The following KSR2 variants were observed in gnomAD, a reference collection of about 807,000 sequenced individuals.
KSR2 encodes kinase suppressor of ras 2.
KSR2 carries 25 observed loss-of-function variants against 107.8 expected under a neutral mutation model. That is an observed-to-expected ratio of 0.23 (90% CI 0.17 to 0.32). The LOEUF (loss-of-function observed/expected upper bound fraction) is 0.32, where lower values mean the gene tolerates loss of function less well. KSR2 is among the 10% of genes least tolerant of loss of function. KSR2 has a pLI of 1.00. For synonymous variants in KSR2, 480 were observed against 507.0 expected (o/e 0.95, Z 0.71); for missense variants, 887 against 1,268.9 (o/e 0.70, Z 4.57).
chr12:117,539,647 T>G (rs1876325541), intron 10 of KSR2, 72 bp downstream of exon 10: 14 of 1,418,930 alleles, frequency 9.9e-6, no homozygotes, highest in Non-Finnish European at 1.2e-5. Flanking sequence ...GGCTCTGGCA[T>G]GAACCCACCC....
At chr12:117,755,379 T>C (rs1888752884) in intron 4 of KSR2, among the ~76,000 whole-genome samples, 1 of 152,234 alleles carries the variant, frequency 6.6e-6, no homozygotes, top group Non-Finnish European at 1.5e-5. Flanking sequence ...CATGCCTCTG[T>C]GTCACATTTT....
chr12:117,478,290 A>G (rs554170738), intron 16 of KSR2, among the ~76,000 whole-genome samples: 1 of 152,298 alleles, frequency 6.6e-6, no homozygotes, highest in Non-Finnish European at 1.5e-5. Context: ...TACCTTCAAG[A>G]GCAGCATTAT....
At chr12:117,678,965 C>A (rs1292129049) in intron 4 of KSR2, among the ~76,000 whole-genome samples, 1 of 152,150 alleles carries the variant, frequency 6.6e-6, no homozygotes. Context: ...TGGGGCATGG[C>A]ATCAGTGGGA....
chr12:117,895,876 T>C (rs967825267), intron 1 of KSR2, among the ~76,000 whole-genome samples: 2 of 152,210 alleles, frequency 1.3e-5, no homozygotes, highest in African/African-American at 4.8e-5. Flanking sequence ...CTGGCCAACA[T>C]GGTGAAACCT....
chr12:117,546,797 G>C (rs1446099822), intron 9 of KSR2, among the ~76,000 whole-genome samples: 1 of 152,094 alleles, frequency 6.6e-6, no homozygotes, highest in African/African-American at 2.4e-5. Context: ...TTTTCTAATT[G>C]TATGTTCTAA....
At chr12:117,628,975 G>A (rs1882674261) in intron 5 of KSR2, among the ~76,000 whole-genome samples, 1 of 152,234 alleles carries the variant, frequency 6.6e-6, no homozygotes. Context: ...CGCTAGCAGT[G>A]AGCAAGGCTC....
At chr12:117,594,911 G>T (rs1880543365) in intron 5 of KSR2, among the ~76,000 whole-genome samples, 1 of 152,206 alleles carries the variant, frequency 6.6e-6, no homozygotes, top group Non-Finnish European at 1.5e-5. Context: ...GAACAGAACA[G>T]CTTCCTCCAA....
chr12:117,836,544 T>C (rs921063), intron 3 of KSR2, among the ~76,000 whole-genome samples: 100,824 of 152,064 alleles, frequency 0.66, 34,267 homozygotes, highest in Admixed American at 0.77. Context: ...CTCGCTATCA[T>C]GATGCCTGTT....
At chr12:117,809,543 T>C (rs570836206) in intron 3 of KSR2, among the ~76,000 whole-genome samples, 1 of 152,354 alleles carries the variant, frequency 6.6e-6, no homozygotes, top group East Asian at 1.9e-4. Context: ...GAAAGTATTT[T>C]CCTGGCCACT....
chr12:117,892,809 A>AAAATC (rs1429054277), intron 1 of KSR2, among the ~76,000 whole-genome samples: 1 of 145,570 alleles, frequency 6.9e-6, no homozygotes, highest in Non-Finnish European at 1.5e-5. Flanking sequence ...AAAAAAAAAA[A>AAAATC]AAATCAATCT....
intron 5 of KSR2, among the ~76,000 whole-genome samples, chr12:117,622,249 T>A (rs1217789306): frequency 1.3e-5 from 2 of 152,174 alleles, no homozygotes; most frequent in Non-Finnish European, 2.9e-5. Flanking sequence ...ATCCAGGATT[T>A]GGAATGTGAT....
intron 4 of KSR2, among the ~76,000 whole-genome samples, chr12:117,684,958 T>C (rs112999327): frequency 6.6e-6 from 1 of 152,200 alleles, no homozygotes; most frequent in East Asian, 1.9e-4. Flanking sequence ...AGGTTGTCAA[T>C]TTCAGGGTTA....
Position 117,772,460 on chromosome 12 carries a change from C to A in KSR2, c.473-10936G>T, listed in dbSNP as rs570380799. ...AGATGCACACACACTCACACATACACACCATTCCCCCAAAGACGCACACAC... is the reference window on the plus strand; with the variant it reads ...AGATGCACACACACTCACACATACAAACCATTCCCCCAAAGACGCACACAC... On this transcript the variant is annotated intron_variant, in intron 3 of 19. Coordinates refer to ENST00000339824, the MANE Select transcript of KSR2 (RefSeq NM_173598.6). Among the ~76,000 whole-genome samples the A allele has an allele frequency of 1.2e-3, 168 of 143,294 alleles. 2 individuals are homozygous for A. The highest frequency in any genetic ancestry group is 4.1e-3 in the African/African-American group (158 of 38,312). The allele number at this position is 143,294 out of a possible 152,430, so 94.0% of individuals were successfully genotyped here. A position where few individuals can be genotyped will look rare whatever the true frequency, so the allele number is the denominator to read the frequency against.
chr12:117,964,025 G>A (rs1298677279), intron 1 of KSR2, among the ~76,000 whole-genome samples: 4 of 152,130 alleles, frequency 2.6e-5, no homozygotes, highest in East Asian at 1.9e-4. Context: ...AGTGGCTCAC[G>A]CCTGCACTTT....
intron 5 of KSR2, among the ~76,000 whole-genome samples, chr12:117,634,768 AGAT>A (rs1882982586): frequency 6.6e-6 from 1 of 152,218 alleles, no homozygotes; most frequent in Non-Finnish European, 1.5e-5. Context: ...ACTTCCGAGT[AGAT>A]GATATTTTTC....
chr12:117,937,756 C>T (rs935550215), intron 1 of KSR2, among the ~76,000 whole-genome samples: 40 of 149,158 alleles, frequency 2.7e-4, no homozygotes, highest in African/African-American at 8.9e-4. Flanking sequence ...GTCAGGAGTT[C>T]GAGACCAGCC....
intron 10 of KSR2, among the ~76,000 whole-genome samples, chr12:117,536,514 C>G (rs1039164304): frequency 6.6e-6 from 1 of 152,242 alleles, no homozygotes; most frequent in African/African-American, 2.4e-5. Flanking sequence ...CTGTCCTCAA[C>G]AGCTGCCATG....
chr12:117,944,408 T>C (rs962795985), intron 1 of KSR2, among the ~76,000 whole-genome samples: 6 of 151,810 alleles, frequency 4.0e-5, no homozygotes, highest in African/African-American at 9.7e-5. Context: ...CAGTCTCGGG[T>C]ATGTCTTTAT....
intron 14 of KSR2, among the ~76,000 whole-genome samples, chr12:117,488,061 C>T (rs1478877794): frequency 6.6e-6 from 1 of 152,146 alleles, no homozygotes; most frequent in Non-Finnish European, 1.5e-5. Context: ...GAATAAGTCT[C>T]ATGAGATCTG....
Sources: gnomAD v4.1 joint callset for allele counts (sites outside exome capture counted in the v4.1 genomes callset) on GRCh38, gnomAD v4.1.1 for gene constraint, MANE v1.5 for transcripts, NCBI Gene and HGNC (gene_info 2026-07-23, HGNC 2026-07-21) for gene names.